The following ASIC2 variants were observed in gnomAD, a reference collection of about 807,000 sequenced individuals.
ASIC2 encodes acid sensing ion channel subunit 2.
In ASIC2, 25 loss-of-function variants were observed where a neutral mutation model predicts 57.3. The ratio of observed to expected loss-of-function variants is 0.44; its 90% CI spans 0.32 to 0.61. The LOEUF (loss-of-function observed/expected upper bound fraction) is 0.61, where lower values mean the gene tolerates loss of function less well. Among genes scored for constraint, ASIC2 ranks in the 20% least tolerant of loss-of-function variants. The pLI is 0.06. For missense variants in ASIC2, 641 were observed against 738.1 expected (o/e 0.87, Z 1.52); for synonymous variants, 319 against 307.5 (o/e 1.04, Z -0.39).
chr17:33,119,525 A>G (rs2092293497), intron 1 of ASIC2, among the ~76,000 whole-genome samples: 2 of 152,332 alleles, frequency 1.3e-5, no homozygotes, highest in African/African-American at 4.8e-5. Flanking sequence ...TGAAGTTGCA[A>G]TTAAGGAGCT....
intron 1 of ASIC2, among the ~76,000 whole-genome samples, chr17:33,509,814 G>T (rs1380338623): frequency 6.6e-6 from 1 of 152,252 alleles, no homozygotes; most frequent in Non-Finnish European, 1.5e-5. Context: ...TAAGGAACTG[G>T]TGAAAGCAAG....
intron 1 of ASIC2, among the ~76,000 whole-genome samples, chr17:33,926,801 G>A (rs1344842942): frequency 6.6e-6 from 1 of 152,206 alleles, no homozygotes; most frequent in African/African-American, 2.4e-5. Flanking sequence ...AGCAAACAAT[G>A]GCAGGCTGAT....
chr17:33,293,718 A>G (rs1905604931), upstream of ASIC2, among the ~76,000 whole-genome samples: 1 of 152,066 alleles, frequency 6.6e-6, no homozygotes, highest in Non-Finnish European at 1.5e-5. Flanking sequence ...CATTTCTGTG[A>G]AACTCTTGAA....
At chr17:33,601,658 C>T (rs1010017693) in intron 1 of ASIC2, among the ~76,000 whole-genome samples, 4 of 152,216 alleles carry the variant, frequency 2.6e-5, no homozygotes, top group African/African-American at 9.6e-5. Context: ...CCCACTAGGG[C>T]AATTCCTAGT....
At chr17:34,119,931 G>C (rs982847468) in intron 1 of ASIC2, 8 of 152,202 alleles carry the variant, frequency 5.3e-5, no homozygotes, top group African/African-American at 1.7e-4. Flanking sequence ...TGGTTAACCA[G>C]CCAGAACCCC....
chr17:33,370,277 C>T (rs901004632), intron 1 of ASIC2, among the ~76,000 whole-genome samples: 11 of 152,174 alleles, frequency 7.2e-5, no homozygotes, highest in African/African-American at 2.2e-4. Flanking sequence ...ACAATGCTCC[C>T]TAAATGACTT....
At chr17:33,831,995 G>T (rs1281793023) in intron 1 of ASIC2, among the ~76,000 whole-genome samples, 1 of 152,094 alleles carries the variant, frequency 6.6e-6, no homozygotes, top group African/African-American at 2.4e-5. Flanking sequence ...TGTCTCCAAA[G>T]TATTGTTGTG....
rs574566273 is a variant in ASIC2 at position 33,479,823 on chromosome 17, C to T, written c.556-367756G>A. ...GCCCTGTGCCCCCCTCCCCAATCCA[C>T]CCTTTCCCTGTGGGCCTCCTTTCCA... On this transcript the variant is annotated intron_variant, in intron 1 of 9. Coordinates refer to the ASIC2 transcript ENST00000359872. 5.9e-5 allele frequency among the ~76,000 whole-genome samples: 9 copies of T among 152,300 alleles called. No homozygotes were observed. The South Asian group carries it at 1.9e-3, about 32-fold the overall frequency.
chr17:33,771,905 T>C (rs1361088693), intron 1 of ASIC2, among the ~76,000 whole-genome samples: 1 of 152,212 alleles, frequency 6.6e-6, no homozygotes, highest in Admixed American at 6.5e-5. Flanking sequence ...CATACTATAC[T>C]ATATACTAAA....
At chr17:33,242,315 A>AAAAAAAAAATC in intron 1 of ASIC2, among the ~76,000 whole-genome samples, 1 of 74,740 alleles carries the variant, frequency 1.3e-5, no homozygotes, top group South Asian at 3.6e-4. Context: ...GACTCCGTCA[A>AAAAAAAAAATC]AAAAAAAAAA....
intron 3 of ASIC2, among the ~76,000 whole-genome samples, chr17:33,065,413 A>G (rs1328568991): frequency 2.0e-5 from 3 of 151,768 alleles, no homozygotes; most frequent in Non-Finnish European, 4.4e-5. Flanking sequence ...GAGCTCAAGC[A>G]GTTTTCCCAC....
At chr17:33,952,459 T>G (rs554753560) in intron 1 of ASIC2, among the ~76,000 whole-genome samples, 5 of 152,224 alleles carry the variant, frequency 3.3e-5, no homozygotes, top group Non-Finnish European at 1.5e-5. Flanking sequence ...TTCTTAGGGC[T>G]GCTGTGAAGA....
intron 1 of ASIC2, among the ~76,000 whole-genome samples, chr17:33,390,869 AT>A (rs1255199570): frequency 1.3e-5 from 2 of 152,186 alleles, no homozygotes; most frequent in Non-Finnish European, 2.9e-5. Context: ...TATTTTCTTC[AT>A]TAGAAGCATG....
At chr17:33,342,988 A>G (rs1907790286) in intron 1 of ASIC2, among the ~76,000 whole-genome samples, 1 of 152,222 alleles carries the variant, frequency 6.6e-6, no homozygotes, top group South Asian at 2.1e-4. Context: ...TGTGAACTTT[A>G]GCTAAATAGG....
intron 1 of ASIC2, among the ~76,000 whole-genome samples, chr17:33,249,923 G>T (rs1191503796): frequency 6.6e-6 from 1 of 152,144 alleles, no homozygotes; most frequent in East Asian, 1.9e-4. Flanking sequence ...AGGAGAAGGT[G>T]GTCCCTGAAA....
At chr17:34,088,262 C>A (rs1352011025) in intron 1 of ASIC2, among the ~76,000 whole-genome samples, 1 of 152,210 alleles carries the variant, frequency 6.6e-6, no homozygotes, top group Non-Finnish European at 1.5e-5. Context: ...TTCTAACAGA[C>A]AGGACCCTCA....
At chr17:33,293,900 G>A (rs1027561038), upstream of ASIC2, among the ~76,000 whole-genome samples, 1 of 152,080 alleles carries the variant, frequency 6.6e-6, no homozygotes, top group African/African-American at 2.4e-5. Flanking sequence ...TAGATGTGGT[G>A]TGTGGTTGGT....
intron 1 of ASIC2, among the ~76,000 whole-genome samples, chr17:33,195,789 A>T (rs527833176): frequency 6.6e-6 from 1 of 152,214 alleles, no homozygotes; most frequent in South Asian, 2.1e-4. Flanking sequence ...TGGTCTTCTG[A>T]TCCTTCATTC....
intron 1 of ASIC2, among the ~76,000 whole-genome samples, chr17:34,093,856 C>T (rs1374980934): frequency 6.6e-6 from 1 of 152,108 alleles, no homozygotes; most frequent in African/African-American, 2.4e-5. Flanking sequence ...CCTAGGGCCC[C>T]TAGTCATTTG....
Sources: gnomAD v4.1 joint callset for allele counts (sites outside exome capture counted in the v4.1 genomes callset) on GRCh38, gnomAD v4.1.1 for gene constraint, MANE v1.5 for transcripts, NCBI Gene and HGNC (gene_info 2026-07-23, HGNC 2026-07-21) for gene names.